Variants in PLEKHD1 observed in about 807,000 individuals in gnomAD.
PLEKHD1 encodes pleckstrin homology domain-containing family D member 1.
PLEKHD1 carries 51 observed loss-of-function variants against 69.2 expected under a neutral mutation model. The ratio of observed to expected loss-of-function variants is 0.74; its 90% CI spans 0.59 to 0.93. The LOEUF (loss-of-function observed/expected upper bound fraction) is 0.93. Ranked by LOEUF, PLEKHD1 falls within the 40% of genes least tolerant of loss-of-function variation. The pLI, the probability that PLEKHD1 is intolerant of heterozygous loss-of-function variation, is 0.00. For synonymous variants in PLEKHD1, 236 were observed against 244.7 expected, an observed-to-expected ratio of 0.96 and a Z score of 0.33; for missense variants, 584 against 641.0, an observed-to-expected ratio of 0.91 and a Z score of 0.96.
intron 1 of PLEKHD1, among the ~76,000 whole-genome samples, chr14:69,496,092 C>T (rs1324216297): frequency 6.6e-6 from 1 of 152,148 alleles, no homozygotes; most frequent in African/African-American, 2.4e-5. Flanking sequence ...TATTTGTACC[C>T]GCATTTTATA....
chr14:69,492,088 C>A (rs538725154), intron 1 of PLEKHD1, among the ~76,000 whole-genome samples: 1 of 152,318 alleles, frequency 6.6e-6, no homozygotes, highest in Admixed American at 6.5e-5. Flanking sequence ...GGACTACTCA[C>A]TCTGCCCCGC....
chr14:69,516,114 G>A (rs1361731446), intron 6 of PLEKHD1, among the ~76,000 whole-genome samples: 3 of 152,182 alleles, frequency 2.0e-5, no homozygotes, highest in Admixed American at 6.5e-5. Context: ...GTGAGCCACT[G>A]TGTCCTGCCT....
chr14:69,499,736 C>G (rs1412209372), intron 1 of PLEKHD1, among the ~76,000 whole-genome samples: 1 of 152,226 alleles, frequency 6.6e-6, no homozygotes, highest in Non-Finnish European at 1.5e-5. Flanking sequence ...TTCTTGCGTT[C>G]CTTTTCCTAG....
chr14:69,493,850 A>G (rs1454731562), intron 1 of PLEKHD1, among the ~76,000 whole-genome samples: 2 of 152,242 alleles, frequency 1.3e-5, no homozygotes, highest in East Asian at 3.8e-4. Context: ...ACCCCAACAC[A>G]TGGGGACAGA....
At chr14:69,517,089 G>A (rs1883400833) in intron 6 of PLEKHD1, among the ~76,000 whole-genome samples, 1 of 152,032 alleles carries the variant, frequency 6.6e-6, no homozygotes, top group Non-Finnish European at 1.5e-5. Context: ...CCAGAGCAGG[G>A]CAGTGAGATG....
At chr14:69,488,524 A>G (rs997179143) in intron 1 of PLEKHD1, among the ~76,000 whole-genome samples, 1 of 152,074 alleles carries the variant, frequency 6.6e-6, no homozygotes, top group Non-Finnish European at 1.5e-5. Context: ...TCCTCTGTGG[A>G]GGGTGCCTGA....
Position 69,529,383 on chromosome 14 carries a change from A to T in PLEKHD1, c.*964A>T, listed in dbSNP as rs1259631506. The T allele has an allele frequency of 4.6e-5, 7 of 151,996 alleles. No homozygotes were observed. The East Asian group carries it at 1.2e-3, about 25-fold the overall frequency. The allele number at this position is 151,996 out of a possible 1,614,324, so 9.4% of individuals were successfully genotyped here. Reference sequence around the variant, plus strand: ...CGGCAAAACCCTGTCTCTACAAAAAATAAAAAAAATAAAATAAATAGCTGG... The same window carrying T: ...CGGCAAAACCCTGTCTCTACAAAAATTAAAAAAAATAAAATAAATAGCTGG... On this transcript the variant is annotated 3_prime_UTR_variant, in exon 13 of 13. Transcript: ENST00000322564.
rs1397905686 is a variant in PLEKHD1 at position 69,522,283 on chromosome 14, G to A, written c.556G>A (p.Glu186Lys). Residue 186 changes from glutamate (E) to lysine (K), a missense_variant and splice_region_variant, in exon 7 of 13, where the codon GAG (glutamate) becomes AAG (lysine). Glu to Lys is a moderately conservative substitution (Grantham distance 56). Coordinates refer to ENST00000322564, the MANE Select transcript of PLEKHD1 (RefSeq NM_001161498.2). Reference protein sequence around the residue: ...ELCLQREQREELERLNQVLEA... With the variant: ...ELCLQREQREKLERLNQVLEA... The stretch of plus-strand genomic sequence containing the variant: ...TTCTCTTCCTCTCTGGTCTCTTCAG[G>A]AGCTTGAGCGCCTTAACCAGGTGCT... 1.1e-5 allele frequency: 17 copies of A among 1,551,216 alleles called. No homozygotes were observed. Among genetic ancestry groups the A allele is most frequent in the Non-Finnish European group, 1.4e-5 (16 of 1,146,810 alleles).
At chr14:69,494,937 TC>T (rs1882854896) in intron 1 of PLEKHD1, among the ~76,000 whole-genome samples, 1 of 152,170 alleles carries the variant, frequency 6.6e-6, no homozygotes, top group Admixed American at 6.5e-5. Flanking sequence ...TGGGCCGAAC[TC>T]ATTCCTGCCT....
chr14:69,476,289 G>A, the PLEKHD1 span, among the ~76,000 whole-genome samples: 2 of 147,410 alleles, frequency 1.4e-5, no homozygotes, highest in Non-Finnish European at 3.0e-5. Context: ...TGGCATCACT[G>A]CTGGGTGCAA....
At chr14:69,488,847 G>A (rs1246754528) in intron 1 of PLEKHD1, among the ~76,000 whole-genome samples, 1 of 152,184 alleles carries the variant, frequency 6.6e-6, no homozygotes, top group African/African-American at 2.4e-5. Flanking sequence ...GGAAACTGAG[G>A]CACAGAGGCA....
intron 6 of PLEKHD1, among the ~76,000 whole-genome samples, chr14:69,515,428 A>C (rs1433859319): frequency 6.6e-6 from 1 of 152,162 alleles, no homozygotes; most frequent in African/African-American, 2.4e-5. Flanking sequence ...ACTGGTTCCC[A>C]TGGAGGTTTC....
chr14:69,509,612 G>T (rs1341296156), intron 6 of PLEKHD1, among the ~76,000 whole-genome samples: 1 of 151,600 alleles, frequency 6.6e-6, no homozygotes, highest in African/African-American at 2.4e-5. Flanking sequence ...TTTGCATGTG[G>T]CTGTCCAGTT....
At chr14:69,494,253 T>G (rs1172220067) in intron 1 of PLEKHD1, among the ~76,000 whole-genome samples, 1 of 152,198 alleles carries the variant, frequency 6.6e-6, no homozygotes, top group East Asian at 1.9e-4. Context: ...ATCCTCAAGT[T>G]GCACGGTGGG....
chr14:69,498,682 G>A (rs573179780), intron 1 of PLEKHD1, among the ~76,000 whole-genome samples: 59 of 124,876 alleles, frequency 4.7e-4, no homozygotes, highest in South Asian at 2.7e-4. Flanking sequence ...AGTCTCACTC[G>A]TGTTGCCCAG....
the PLEKHD1 span, among the ~76,000 whole-genome samples, chr14:69,467,752 A>G: frequency 1.3e-5 from 2 of 152,102 alleles, no homozygotes; most frequent in Admixed American, 1.3e-4. Flanking sequence ...TGGGTGATAG[A>G]GCCAGACTCT....
At chr14:69,504,214 G>C (rs544987834) in intron 6 of PLEKHD1, among the ~76,000 whole-genome samples, 1 of 152,186 alleles carries the variant, frequency 6.6e-6, no homozygotes, top group African/African-American at 2.4e-5. Flanking sequence ...ATTAATATAG[G>C]CCCATGCTGC....
chr14:69,505,614 T>C lies in PLEKHD1; in HGVS notation c.555+2735T>C, dbSNP rs1883133432. ...CAGTTACCCTCTCTGAGCTTCAATT[T>C]CCCCCCATCTGGGATGTCTGATTAG... is the stretch of plus-strand genomic sequence containing the variant. On this transcript the variant is annotated intron_variant, in intron 6 of 12. Coordinates refer to ENST00000322564, the MANE Select transcript of PLEKHD1 (RefSeq NM_001161498.2). 1.3e-5 allele frequency among the ~76,000 whole-genome samples: 2 copies of C among 152,124 alleles called. 1 individual carries two copies. Among genetic ancestry groups the C allele is most frequent in the Middle Eastern group, 6.4e-3 (2 of 314 alleles).
At chr14:69,519,276 G>C (rs2139524815) in intron 6 of PLEKHD1, among the ~76,000 whole-genome samples, 1 of 152,206 alleles carries the variant, frequency 6.6e-6, no homozygotes, top group Non-Finnish European at 1.5e-5. Context: ...CTTTTATCAG[G>C]GTTGTTCAGG....
Sources: allele counts gnomAD v4.1 joint callset (sites outside exome capture counted in the v4.1 genomes callset), GRCh38; gene constraint gnomAD v4.1.1; transcripts MANE v1.5; gene names NCBI Gene and HGNC (gene_info 2026-07-23, HGNC 2026-07-21).